Variants in NLGN1 observed in about 807,000 individuals in gnomAD.
The protein encoded by NLGN1 is neuroligin-1.
NLGN1 carries 12 observed loss-of-function variants against 65.5 expected under a neutral mutation model. That is an observed-to-expected ratio of 0.18 (90% CI 0.12 to 0.30). The LOEUF (loss-of-function observed/expected upper bound fraction) is 0.30. Among genes scored for constraint, NLGN1 ranks in the 10% least tolerant of loss-of-function variants. The pLI is 1.00. For missense variants in NLGN1, 750 were observed against 1,007.1 expected, an observed-to-expected ratio of 0.74 and a Z score of 3.46; for synonymous variants, 350 against 359.5, an observed-to-expected ratio of 0.97 and a Z score of 0.30.
chr3:173,685,499 C>T (rs1297947514), intron 3 of NLGN1, among the ~76,000 whole-genome samples: 2 of 152,080 alleles, frequency 1.3e-5, no homozygotes, highest in Non-Finnish European at 2.9e-5. Flanking sequence ...TTTTCGAGGC[C>T]TTAAGTTAAT....
rs1273387303 is a variant in NLGN1, at chr3:173,730,623, T to C, written c.494-77057T>C. ...TGGTCACTGTACTGGACAGCACTTA[T>C]CTAATGCCTTGATTGTTTGCCTTGT... On this transcript the variant is annotated intron_variant, in intron 3 of 6. Transcript: ENST00000457714. 5.3e-5 allele frequency among the ~76,000 whole-genome samples: 8 copies of C among 152,214 alleles called. No individual in the cohort carries two copies. In the South Asian group the frequency reaches 6.2e-4, roughly 12 times the overall value.
intron 2 of NLGN1, among the ~76,000 whole-genome samples, chr3:173,458,776 G>A (rs1269565031): frequency 2.0e-5 from 3 of 152,110 alleles, no homozygotes; most frequent in African/African-American, 4.8e-5. Context: ...AAGTTTTAAG[G>A]TTGTTTAATT....
rs77247840 is a variant in NLGN1, at chr3:173,993,167, A to T, written c.646+185335A>T. On this transcript the variant is annotated intron_variant, in intron 4 of 6. Transcript: ENST00000457714. ...TTAATACTCTCGTTATGCGTGGTCT[A>T]TACACAGTTGGAATTCTGTATTCAG... 8.7e-4 allele frequency among the ~76,000 whole-genome samples: 132 copies of T among 152,290 alleles called. 1 individual carries two copies. The East Asian group carries it at 0.023, about 27-fold the overall frequency.
At chr3:173,654,297 A>G (rs1383256799) in intron 3 of NLGN1, among the ~76,000 whole-genome samples, 1 of 152,134 alleles carries the variant, frequency 6.6e-6, no homozygotes, top group Admixed American at 6.6e-5. Flanking sequence ...AATACAGTCT[A>G]TTTAAATAAG....
chr3:173,961,315 AAATC>A (rs1713509194), intron 4 of NLGN1, among the ~76,000 whole-genome samples: 1 of 152,090 alleles, frequency 6.6e-6, no homozygotes, highest in Non-Finnish European at 1.5e-5. Context: ...GGACCTTAAA[AAATC>A]AATACCCAGA....
chr3:173,904,047 A>G (rs746351105), intron 4 of NLGN1, among the ~76,000 whole-genome samples: 1 of 152,122 alleles, frequency 6.6e-6, no homozygotes, highest in Non-Finnish European at 1.5e-5. Flanking sequence ...ATATTACAGT[A>G]CAATTTAAAC....
chr3:173,846,513 C>G (rs1489319518), intron 4 of NLGN1, among the ~76,000 whole-genome samples: 4 of 152,100 alleles, frequency 2.6e-5, no homozygotes, highest in African/African-American at 9.7e-5. Context: ...AAAATCCCAC[C>G]AAAATAAGCT....
intron 4 of NLGN1, among the ~76,000 whole-genome samples, chr3:174,088,167 CATT>C (rs1447269042): frequency 6.6e-6 from 1 of 151,990 alleles, no homozygotes; most frequent in Admixed American, 6.6e-5. Flanking sequence ...TTTGTATTGA[CATT>C]AGTAACATAA....
chr3:173,901,363 T>TGC (rs1387951154), intron 4 of NLGN1, among the ~76,000 whole-genome samples: 1 of 133,372 alleles, frequency 7.5e-6, no homozygotes, highest in Admixed American at 8.2e-5. Context: ...AGTATTTTTT[T>TGC]TGGGGGGGTG....
chr3:174,039,262 C>T (rs6445136), intron 4 of NLGN1, among the ~76,000 whole-genome samples: 33,659 of 151,658 alleles, frequency 0.22, 4,578 homozygotes, highest in African/African-American at 0.39. Flanking sequence ...ATTTTTTAAT[C>T]TTTTAAATTT....
intron 4 of NLGN1, among the ~76,000 whole-genome samples, chr3:173,831,655 A>G (rs1402821127): frequency 6.6e-6 from 1 of 152,216 alleles, no homozygotes; most frequent in Non-Finnish European, 1.5e-5. Context: ...TGTTATATGA[A>G]AACAGGAAGA....
intron 4 of NLGN1, among the ~76,000 whole-genome samples, chr3:174,029,638 A>G (rs1729530428): frequency 6.9e-6 from 1 of 144,636 alleles, no homozygotes; most frequent in Non-Finnish European, 1.5e-5. Flanking sequence ...TGGAGCAGTC[A>G]GGGGTGGAAT....
chr3:173,440,262 T>G (rs1377887620), intron 2 of NLGN1, among the ~76,000 whole-genome samples: 2 of 152,264 alleles, frequency 1.3e-5, no homozygotes, highest in Non-Finnish European at 2.9e-5. Flanking sequence ...CTGCAGTTAC[T>G]TCCTCCACTG....
At chr3:173,882,613 T>C (rs1304243058) in intron 4 of NLGN1, among the ~76,000 whole-genome samples, 1 of 152,252 alleles carries the variant, frequency 6.6e-6, no homozygotes, top group Non-Finnish European at 1.5e-5. Flanking sequence ...CTTCCAACTT[T>C]TCTTTTGCAG....
chr3:174,192,896 C>T (rs1732664753), intron 4 of NLGN1, among the ~76,000 whole-genome samples: 1 of 151,960 alleles, frequency 6.6e-6, no homozygotes, highest in Non-Finnish European at 1.5e-5. Context: ...TATATCTGGG[C>T]CTTTGCTATT....
intron 3 of NLGN1, among the ~76,000 whole-genome samples, chr3:173,774,830 C>G (rs553010799): frequency 9.9e-5 from 15 of 152,042 alleles, no homozygotes; most frequent in South Asian, 4.1e-4. Flanking sequence ...CCCCCAGCCC[C>G]CTCGCACGCA....
chr3:174,196,308 T>TC (rs1291361106), intron 4 of NLGN1, among the ~76,000 whole-genome samples: 3 of 152,136 alleles, frequency 2.0e-5, no homozygotes, highest in Non-Finnish European at 4.4e-5. Context: ...TACATCTATT[T>TC]TTTTTCTCTT....
intron 4 of NLGN1, among the ~76,000 whole-genome samples, chr3:174,178,689 T>C (rs980791787): frequency 1.3e-5 from 2 of 152,266 alleles, no homozygotes; most frequent in Middle Eastern, 3.4e-3. Context: ...TTATTTCTCC[T>C]GTGTATTTTT....
intron 4 of NLGN1, among the ~76,000 whole-genome samples, chr3:173,898,571 CACA>C (rs1579063597): frequency 6.6e-6 from 1 of 152,190 alleles, no homozygotes; most frequent in Non-Finnish European, 1.5e-5. Context: ...TTAACATACA[CACA>C]ACTTCTATAA....
Sources: gnomAD v4.1 joint callset for allele counts (sites outside exome capture counted in the v4.1 genomes callset) on GRCh38, gnomAD v4.1.1 for gene constraint, MANE v1.5 for transcripts, NCBI Gene and HGNC (gene_info 2026-07-23, HGNC 2026-07-21) for gene names.